RB1CC1: variants seen among roughly 807,000 people sequenced by gnomAD.
RB1CC1 encodes RB1-inducible coiled-coil protein 1.
Under a neutral mutation model 177.5 loss-of-function variants are expected in RB1CC1, and 46 were observed. The observed-to-expected ratio is 0.26, with a 90% CI of 0.20 to 0.33. The LOEUF is 0.33. RB1CC1 is among the 10% of genes least tolerant of loss of function. The pLI, the probability that RB1CC1 is intolerant of heterozygous loss-of-function variation, is 1.00. For missense variants in RB1CC1, 1,703 were observed against 1,816.3 expected, an observed-to-expected ratio of 0.94 and a Z score of 1.13; for synonymous variants, 666 against 613.6, an observed-to-expected ratio of 1.09 and a Z score of -1.26.
intron 18 of RB1CC1, among the ~76,000 whole-genome samples, chr8:52,641,316 G>A (rs1590941230): frequency 6.7e-6 from 1 of 149,790 alleles, no homozygotes; most frequent in African/African-American, 2.5e-5. Context: ...CCCAGGAGGC[G>A]GAGGTTGCAG....
chr8:52,643,696 C>CAAAAAAAAAAAA (rs34520917), intron 16 of RB1CC1, among the ~76,000 whole-genome samples: 1 of 81,088 alleles, frequency 1.2e-5, no homozygotes, highest in Admixed American at 1.5e-4. Context: ...CTCTAAGAGG[C>CAAAAAAAAAAAA]AAAAAAAAAA....
chr8:52,704,792 G>A (rs1374180599), intron 1 of RB1CC1, among the ~76,000 whole-genome samples: 2 of 152,092 alleles, frequency 1.3e-5, no homozygotes, highest in Non-Finnish European at 2.9e-5. Flanking sequence ...GAATTATAAA[G>A]TAACTTTATA....
At chr8:52,649,774 C>G (rs1850404008) in intron 15 of RB1CC1, among the ~76,000 whole-genome samples, 1 of 152,234 alleles carries the variant, frequency 6.6e-6, no homozygotes, top group Non-Finnish European at 1.5e-5. Flanking sequence ...TTTCCCAACC[C>G]ACGCAAACCA....
intron 7 of RB1CC1, among the ~76,000 whole-genome samples, chr8:52,670,480 T>C (rs1419572988): frequency 1.3e-5 from 2 of 152,164 alleles, no homozygotes; most frequent in African/African-American, 4.8e-5. Context: ...TCTTACACTC[T>C]CTATTCTTAA....
At chr8:52,713,909 C>T (rs1857276558) in intron 1 of RB1CC1, among the ~76,000 whole-genome samples, 166 bp downstream of exon 1, 5 of 152,124 alleles carry the variant, frequency 3.3e-5, no homozygotes, top group Admixed American at 3.3e-4. Flanking sequence ...GCAACACCTG[C>T]CGGGGCGGGA....
At chr8:52,702,320 A>G (rs1019921655) in intron 1 of RB1CC1, among the ~76,000 whole-genome samples, 5 of 152,246 alleles carry the variant, frequency 3.3e-5, no homozygotes, top group African/African-American at 1.2e-4. Flanking sequence ...TGACCTACAT[A>G]GACCAATTTT....
At position 52,623,553 on chromosome 8, in the gene RB1CC1, A is replaced by T. The variant is rs549153923; in HGVS notation, c.*229T>A. ...TCCGCATTTCTAGAGTTGTCTGGGT[A>T]AAAAAAAAAACCAAAAAACAAAAAC... On this transcript the variant is annotated 3_prime_UTR_variant, in exon 24 of 24. Transcript: ENST00000025008. 4.2e-4 allele frequency: 147 copies of T among 353,494 alleles called. No homozygotes were observed. Among genetic ancestry groups the T allele is most frequent in the African/African-American group, 2.9e-3 (132 of 45,438 alleles). 21.9% of individuals were successfully genotyped at this position (353,494 alleles called of 1,614,324 possible).
intron 18 of RB1CC1, among the ~76,000 whole-genome samples, chr8:52,638,229 T>C (rs1282878342): frequency 6.6e-6 from 1 of 152,210 alleles, no homozygotes; most frequent in Non-Finnish European, 1.5e-5. Context: ...TCTTCATCTA[T>C]TGAGATAATC....
intron 15 of RB1CC1, among the ~76,000 whole-genome samples, chr8:52,648,179 G>A (rs910693295): frequency 6.6e-6 from 1 of 151,926 alleles, no homozygotes; most frequent in East Asian, 1.9e-4. Flanking sequence ...TAGATGATTA[G>A]CATAGGGTAT....
At chr8:52,651,252 A>T (rs1850547327) in intron 15 of RB1CC1, among the ~76,000 whole-genome samples, 1 of 152,242 alleles carries the variant, frequency 6.6e-6, no homozygotes, top group African/African-American at 2.4e-5. Flanking sequence ...TAGACTTAAG[A>T]ATAACCAACA....
chr8:52,659,004 A>C (rs1200734177), intron 12 of RB1CC1, 28 bp from the exon 13 acceptor site: 3 of 1,392,940 alleles, frequency 2.2e-6, no homozygotes, highest in Non-Finnish European at 2.9e-6. Flanking sequence ...ATTACTTAAA[A>C]AATTTTTTTT....
chr8:52,673,657 C>A (rs1334914535), intron 7 of RB1CC1, among the ~76,000 whole-genome samples, 188 bp downstream of exon 7: 1 of 152,088 alleles, frequency 6.6e-6, no homozygotes, highest in African/African-American at 2.4e-5. Flanking sequence ...ATAACCTTCA[C>A]AAATTTACAA....
At chr8:52,690,492 T>C (rs556788785) in intron 1 of RB1CC1, among the ~76,000 whole-genome samples, 2 of 151,244 alleles carry the variant, frequency 1.3e-5, no homozygotes, top group Admixed American at 6.6e-5. Context: ...AAGAAAAGAG[T>C]GGGTAGGAAG....
chr8:52,702,209 G>C (rs1222779174), intron 1 of RB1CC1, among the ~76,000 whole-genome samples: 1 of 152,088 alleles, frequency 6.6e-6, no homozygotes. Context: ...GAAATGTATG[G>C]TTTATAAAAT....
chr8:52,667,926 GAA>G (rs1852213811), intron 8 of RB1CC1, 93 bp downstream of exon 8: 1 of 1,219,166 alleles, frequency 8.2e-7, no homozygotes, highest in African/African-American at 1.5e-5. Context: ...AGGAAAAAGT[GAA>G]AATATGGTGC....
intron 18 of RB1CC1, among the ~76,000 whole-genome samples, chr8:52,637,029 A>G (rs1563356189): frequency 6.6e-6 from 1 of 150,500 alleles, no homozygotes. Context: ...AGACTTTGTT[A>G]TTTTTCAAGA....
Position 52,668,163 on chromosome 8 carries a change from A to G in RB1CC1, c.1031T>C (p.Ile344Thr). 6.2e-7 allele frequency: 1 copy of G among 1,613,940 alleles called. No homozygotes were observed. The highest frequency in any genetic ancestry group is 8.5e-7 in the Non-Finnish European group (1 of 1,179,964). The change falls in exon 8 of 24, where the codon ATA becomes ACA. Residue 344 changes from isoleucine (I) to threonine (T), a missense_variant. Around this residue, in one of 6 missense-constraint regions of RB1CC1, gnomAD observed 315 missense variants for 304.9 expected, o/e 1.03. Transcript: ENST00000025008. ...RLDPRIIRPF[I>T]AECRQTIAKL... Reference sequence around the variant, plus strand: ...GGCAATAGTTTGACGGCATTCTGCTATAAATGGTCGAATAATCCTTGGATC... The same window carrying G: ...GGCAATAGTTTGACGGCATTCTGCTGTAAATGGTCGAATAATCCTTGGATC...
chr8:52,697,263 A>C (rs1855501714), intron 1 of RB1CC1, among the ~76,000 whole-genome samples: 1 of 151,778 alleles, frequency 6.6e-6, no homozygotes. Flanking sequence ...ATTCCACAGA[A>C]CAATGACTCT....
At chr8:52,633,868 C>T (rs1335134370) in intron 20 of RB1CC1, among the ~76,000 whole-genome samples, 6 of 152,124 alleles carry the variant, frequency 3.9e-5, no homozygotes, top group Non-Finnish European at 7.4e-5. Flanking sequence ...GCAGGCGGAT[C>T]GCTTAAGCTC....
Sources: allele counts gnomAD v4.1 joint callset (sites outside exome capture counted in the v4.1 genomes callset), GRCh38; gene constraint gnomAD v4.1.1; regional missense constraint gnomAD v4.1.1; transcripts MANE v1.5; gene names NCBI Gene and HGNC (gene_info 2026-07-23, HGNC 2026-07-21).